Variants in RNGTT observed in about 807,000 individuals in gnomAD.
RNGTT encodes mRNA-capping enzyme.
Under a neutral mutation model 79.3 loss-of-function variants are expected in RNGTT, and 33 were observed. The observed-to-expected ratio is 0.42, with a 90% CI of 0.32 to 0.56. RNGTT has a LOEUF of 0.56. Ranked by LOEUF, RNGTT falls within the 20% of genes least tolerant of loss-of-function variation. The pLI is 0.17. For synonymous variants in RNGTT, 222 were observed against 235.9 expected, an observed-to-expected ratio of 0.94 and a Z score of 0.54; for missense variants, 497 against 739.1, an observed-to-expected ratio of 0.67 and a Z score of 3.80.
At chr6:88,802,384 C>T (rs980343509) in intron 11 of RNGTT, among the ~76,000 whole-genome samples, 1 of 151,996 alleles carries the variant, frequency 6.6e-6, no homozygotes, top group African/African-American at 2.4e-5. Context: ...GAGTTATAGA[C>T]CCCATACCCT....
chr6:88,852,010 T>C (rs1418041579), intron 9 of RNGTT, among the ~76,000 whole-genome samples: 1 of 150,954 alleles, frequency 6.6e-6, no homozygotes, highest in Non-Finnish European at 1.5e-5. Flanking sequence ...CCCACGTCCA[T>C]CAAAAATCTT....
intron 11 of RNGTT, among the ~76,000 whole-genome samples, chr6:88,818,615 C>A (rs1056024440): frequency 5.9e-5 from 9 of 152,044 alleles, no homozygotes; most frequent in African/African-American, 2.2e-4. Flanking sequence ...CCATCAGGAA[C>A]CAAATCAAGT....
chr6:88,892,126 G>A (rs1342802665), intron 6 of RNGTT, among the ~76,000 whole-genome samples: 6 of 151,790 alleles, frequency 4.0e-5, no homozygotes, highest in Admixed American at 1.3e-4. Context: ...TTCAATATAC[G>A]TATGTACTCT....
Position 88,929,209 on chromosome 6 carries a change from T to A in RNGTT, c.233A>T (p.Asp78Val). The A allele has an allele frequency of 6.2e-7, 1 of 1,610,292 alleles. No homozygotes were observed. The highest frequency in any genetic ancestry group is 8.5e-7 in the Non-Finnish European group (1 of 1,177,708). The change falls in exon 3 of 16, where the codon GAC (aspartate) becomes GTC (valine). Residue 78 changes from aspartate (D) to valine (V), a missense_variant. Asp to Val is a radical substitution (Grantham distance 152). Coordinates refer to ENST00000369485, the MANE Select transcript of RNGTT (RefSeq NM_003800.5). ...TNTSRFYDRN[D>V]IEKEGIKYIK... is the part of the protein sequence containing the mutation. ...ATATTTGATTCCTTCTTTTTCTATG[T>A]CATTTCGGTCATAGAACCTTGAAGT... is the stretch of plus-strand genomic sequence containing the variant.
At chr6:88,806,981 A>C (rs1383312841) in intron 11 of RNGTT, among the ~76,000 whole-genome samples, 1 of 152,188 alleles carries the variant, frequency 6.6e-6, no homozygotes, top group African/African-American at 2.4e-5. Flanking sequence ...TCGGCAAACT[A>C]ACGTAGGAAC....
At chr6:88,733,541 A>C (rs1777185440) in intron 13 of RNGTT, among the ~76,000 whole-genome samples, 1 of 152,036 alleles carries the variant, frequency 6.6e-6, no homozygotes, top group African/African-American at 2.4e-5. Context: ...AATGGCCAAG[A>C]ATTTTCCAAA....
At chr6:88,761,286 T>C (rs1380134122) in intron 13 of RNGTT, among the ~76,000 whole-genome samples, 4 of 151,882 alleles carry the variant, frequency 2.6e-5, no homozygotes, top group Admixed American at 1.3e-4. Context: ...GGTCAGGAGT[T>C]TGCGACCAGC....
intron 1 of RNGTT, among the ~76,000 whole-genome samples, chr6:88,959,806 G>A (rs1363220301): frequency 1.3e-5 from 2 of 151,810 alleles, no homozygotes; most frequent in South Asian, 4.2e-4. Context: ...TAAATATTAG[G>A]ATACCTTATC....
At chr6:88,655,856 G>A (rs1036754375) in intron 14 of RNGTT, among the ~76,000 whole-genome samples, 2 of 152,132 alleles carry the variant, frequency 1.3e-5, no homozygotes, top group South Asian at 4.1e-4. Context: ...CTGATTAAAT[G>A]TGATCTTGAG....
At chr6:88,791,959 T>C (rs993440674) in intron 12 of RNGTT, among the ~76,000 whole-genome samples, 3 of 152,326 alleles carry the variant, frequency 2.0e-5, no homozygotes, top group South Asian at 2.1e-4. Context: ...TGGTACACCA[T>C]TGATACTATT....
intron 8 of RNGTT, among the ~76,000 whole-genome samples, chr6:88,869,368 C>T (rs1562294339): frequency 6.6e-6 from 1 of 152,150 alleles, no homozygotes; most frequent in Admixed American, 6.5e-5. Flanking sequence ...TTTTTCGTGA[C>T]TGGCCATTAG....
intron 14 of RNGTT, among the ~76,000 whole-genome samples, chr6:88,621,687 G>A (rs865873579): frequency 1.3e-5 from 2 of 151,722 alleles, no homozygotes; most frequent in African/African-American, 4.8e-5. Flanking sequence ...AAGTATGCGA[G>A]GCCATTAGTT....
chr6:88,884,494 G>C (rs2127930000), intron 8 of RNGTT, among the ~76,000 whole-genome samples: 1 of 152,178 alleles, frequency 6.6e-6, no homozygotes, highest in African/African-American at 2.4e-5. Context: ...GGGTAAATCA[G>C]AAAATGATGA....
intron 15 of RNGTT, 30 bp from the exon 16 acceptor site, chr6:88,612,912 G>C (rs1223039384): frequency 6.2e-7 from 1 of 1,602,640 alleles, no homozygotes; most frequent in South Asian, 1.1e-5. Flanking sequence ...GGTCTCATGT[G>C]AGGGTTAATT....
chr6:88,759,014 T>A (rs1778115881), intron 13 of RNGTT, among the ~76,000 whole-genome samples: 1 of 152,086 alleles, frequency 6.6e-6, no homozygotes, highest in Non-Finnish European at 1.5e-5. Flanking sequence ...GAGCTGATCT[T>A]TACTATGGTG....
chr6:88,894,408 C>T (rs537685380), intron 6 of RNGTT, among the ~76,000 whole-genome samples: 2 of 152,178 alleles, frequency 1.3e-5, no homozygotes, highest in African/African-American at 2.4e-5. Flanking sequence ...GTGCCAGACA[C>T]AGGGCAGAAG....
At chr6:88,744,461 C>T (rs1379648006) in intron 13 of RNGTT, among the ~76,000 whole-genome samples, 1 of 152,038 alleles carries the variant, frequency 6.6e-6, no homozygotes, top group East Asian at 1.9e-4. Context: ...GAGGTTTCAC[C>T]ATGTTGGCCA....
chr6:88,955,148 TA>T (rs765727209), intron 1 of RNGTT, among the ~76,000 whole-genome samples: 1 of 152,122 alleles, frequency 6.6e-6, no homozygotes, highest in African/African-American at 2.4e-5. Flanking sequence ...AACAATGAAA[TA>T]AAGATGGAAA....
chr6:88,889,834 C>G (rs1782983712), intron 8 of RNGTT, among the ~76,000 whole-genome samples: 1 of 152,030 alleles, frequency 6.6e-6, no homozygotes, highest in Non-Finnish European at 1.5e-5. Context: ...TGGCACATTC[C>G]CATAATCCCA....
Sources: allele counts gnomAD v4.1 joint callset (sites outside exome capture counted in the v4.1 genomes callset), GRCh38; gene constraint gnomAD v4.1.1; transcripts MANE v1.5; gene names NCBI Gene and HGNC (gene_info 2026-07-23, HGNC 2026-07-21).